The following CD200R1 variants were observed in gnomAD, a reference collection of about 807,000 sequenced individuals.
The protein encoded by CD200R1 is CD200 receptor 1.
A neutral mutation model predicts 38.1 loss-of-function variants in CD200R1; 30 were observed. That is an observed-to-expected ratio of 0.79 (90% CI 0.59 to 1.07). The LOEUF (loss-of-function observed/expected upper bound fraction) is 1.07, where lower values mean the gene tolerates loss of function less well. CD200R1 is among the 50% of genes least tolerant of loss of function. The pLI, the probability that CD200R1 is intolerant of heterozygous loss-of-function variation, is 0.00. For synonymous variants in CD200R1, 128 were observed against 152.1 expected (o/e 0.84, Z 1.16); for missense variants, 372 against 415.4 (o/e 0.90, Z 0.91).
chr3:112,969,942 C>A (rs780627714), intron 1 of CD200R1, among the ~76,000 whole-genome samples: 1 of 151,900 alleles, frequency 6.6e-6, no homozygotes, highest in Non-Finnish European at 1.5e-5. Context: ...GAGGCCAAGG[C>A]AGGAGGATTG....
intron 2 of CD200R1, among the ~76,000 whole-genome samples, chr3:112,943,145 T>G (rs1014565344): frequency 6.6e-6 from 1 of 151,758 alleles, no homozygotes; most frequent in East Asian, 1.9e-4. Context: ...CTGACATCTA[T>G]AGATGACTTT....
intron 1 of CD200R1, among the ~76,000 whole-genome samples, chr3:112,967,894 A>G (rs1179969093): frequency 6.6e-6 from 1 of 152,210 alleles, no homozygotes; most frequent in Admixed American, 6.5e-5. Context: ...GCAATCCCAC[A>G]TACACACTTG....
chr3:112,973,422 T>C (rs1483434321), intron 1 of CD200R1, among the ~76,000 whole-genome samples: 1 of 152,224 alleles, frequency 6.6e-6, no homozygotes, highest in African/African-American at 2.4e-5. Context: ...TAGTGGTGCT[T>C]ACTGATGTAT....
rs112721635 is a variant in CD200R1, at chr3:112,969,419, T to C, written c.67+5372A>G. Among the ~76,000 whole-genome samples the C allele has an allele frequency of 6.8e-4, 103 of 152,266 alleles. 1 individual carries two copies. Among genetic ancestry groups the C allele is most frequent in the African/African-American group, 2.3e-3 (97 of 41,540 alleles). On this transcript the variant is annotated intron_variant, in intron 1 of 7. Coordinates refer to ENST00000308611, the MANE Select transcript of CD200R1 (RefSeq NM_138806.4). ...AAAGAAAATAATACCAGGTAGAAAC[T>C]TGGAAATTCAAGAAGGAATTAAGAG...
intron 2 of CD200R1, among the ~76,000 whole-genome samples, chr3:112,945,856 C>A (rs1272812165): frequency 6.6e-6 from 1 of 151,906 alleles, no homozygotes; most frequent in Non-Finnish European, 1.5e-5. Flanking sequence ...GGTGAAACCC[C>A]GTCTCTACTA....
chr3:112,925,854 T>A (rs944434197), intron 5 of CD200R1, among the ~76,000 whole-genome samples: 1 of 152,156 alleles, frequency 6.6e-6, no homozygotes, highest in Non-Finnish European at 1.5e-5. Context: ...GAAATTCATA[T>A]CTGTAGTTTC....
chr3:112,930,117 A>T (rs1216160191), intron 3 of CD200R1, among the ~76,000 whole-genome samples: 1 of 25,196 alleles, frequency 4.0e-5, no homozygotes, highest in Non-Finnish European at 7.3e-5. Context: ...ACAGATCTTT[A>T]AAAAAAAAAA....
intron 1 of CD200R1, among the ~76,000 whole-genome samples, chr3:112,962,425 T>C (rs1364163412): frequency 6.6e-6 from 1 of 152,184 alleles, no homozygotes; most frequent in South Asian, 2.1e-4. Context: ...GTTTTGAAAC[T>C]GTAATTTAAA....
intron 1 of CD200R1, among the ~76,000 whole-genome samples, chr3:112,972,211 C>T (rs932641161): frequency 1.3e-5 from 2 of 152,044 alleles, no homozygotes; most frequent in African/African-American, 4.8e-5. Context: ...AATATGCAAA[C>T]TAGAAAAGGA....
At chr3:112,940,284 CA>C (rs1480158601) in intron 2 of CD200R1, among the ~76,000 whole-genome samples, 1 of 151,734 alleles carries the variant, frequency 6.6e-6, no homozygotes, top group East Asian at 1.9e-4. Flanking sequence ...AATAAGACCT[CA>C]ATAGCATAGG....
rs373588824 is a variant in CD200R1, at chr3:112,974,787, T to G, written c.67+4A>C. 98 of 1,599,670 alleles carry G rather than the reference T, an allele frequency of 6.1e-5. No individual in the cohort carries two copies. Among genetic ancestry groups the G allele is most frequent in the Non-Finnish European group, 8.1e-5 (95 of 1,167,066 alleles). On this transcript the variant is annotated splice_donor_region_variant and intron_variant, in intron 1 of 7. Coordinates refer to ENST00000308611, the MANE Select transcript of CD200R1 (RefSeq NM_138806.4). Reference sequence around the variant, plus strand: ...CTGTTCTCCCAAAGAGAATTCAAACTTACCGGCCACTAAGAAGATAGTCAA... The same window carrying G: ...CTGTTCTCCCAAAGAGAATTCAAACGTACCGGCCACTAAGAAGATAGTCAA...
intron 2 of CD200R1, among the ~76,000 whole-genome samples, chr3:112,940,033 T>G: frequency 6.6e-6 from 1 of 151,476 alleles, no homozygotes; most frequent in South Asian, 2.1e-4. Context: ...TACAGTCAAC[T>G]GCTTTGACAA....
intron 1 of CD200R1, among the ~76,000 whole-genome samples, chr3:112,950,862 G>A (rs1025933407): frequency 2.0e-5 from 3 of 152,180 alleles, no homozygotes; most frequent in African/African-American, 7.2e-5. Flanking sequence ...GTTTTCACTG[G>A]ATGATAATGA....
At chr3:112,948,071 A>C (rs1940903115) in intron 1 of CD200R1, 147 bp from the exon 2 acceptor site, 2 of 650,924 alleles carry the variant, frequency 3.1e-6, no homozygotes, top group Admixed American at 4.9e-5. Context: ...CAGCCAAGCA[A>C]AAGTCTTGGC....
intron 1 of CD200R1, among the ~76,000 whole-genome samples, chr3:112,960,232 A>C (rs1932983675): frequency 6.6e-6 from 1 of 152,046 alleles, no homozygotes; most frequent in South Asian, 2.1e-4. Flanking sequence ...AGAAACTTTT[A>C]CTATGAATTT....
chr3:112,956,518 T>G (rs1336147391), intron 1 of CD200R1, among the ~76,000 whole-genome samples: 1 of 152,206 alleles, frequency 6.6e-6, no homozygotes, highest in Non-Finnish European at 1.5e-5. Flanking sequence ...CTCCATGTCT[T>G]TGTGGTTGGT....
intron 5 of CD200R1, among the ~76,000 whole-genome samples, chr3:112,925,736 G>A (rs528916061): frequency 2.0e-5 from 3 of 151,936 alleles, no homozygotes; most frequent in Admixed American, 1.3e-4. Flanking sequence ...TCAATTTTGC[G>A]GTGAACCTAA....
intron 2 of CD200R1, among the ~76,000 whole-genome samples, chr3:112,935,105 T>G (rs1940545234): frequency 6.6e-6 from 1 of 152,152 alleles, no homozygotes; most frequent in African/African-American, 2.4e-5. Flanking sequence ...CTAATATTAT[T>G]AAAGCTAAAG....
chr3:112,957,679 T>G (rs945968771), intron 1 of CD200R1, among the ~76,000 whole-genome samples: 6 of 152,260 alleles, frequency 3.9e-5, no homozygotes, highest in African/African-American at 1.4e-4. Context: ...TTTAGAAAGA[T>G]ATCATCAAGA....
Sources: allele counts gnomAD v4.1 joint callset (sites outside exome capture counted in the v4.1 genomes callset), GRCh38; gene constraint gnomAD v4.1.1; transcripts MANE v1.5; gene names NCBI Gene and HGNC (gene_info 2026-07-23, HGNC 2026-07-21).